Variants in ERO1B observed in about 807,000 individuals in gnomAD.
ERO1B encodes ERO1-like protein beta.
ERO1B carries 49 observed loss-of-function variants against 75.3 expected under a neutral mutation model. The observed-to-expected ratio is 0.65, with a 90% CI of 0.52 to 0.83. The LOEUF (loss-of-function observed/expected upper bound fraction) is 0.83, where lower values mean the gene tolerates loss of function less well. Ranked by LOEUF, ERO1B falls within the 40% of genes least tolerant of loss-of-function variation. The probability of loss-of-function intolerance (pLI) is 0.00; values close to 1 mark genes in which losing one functional copy is unlikely to be tolerated. For synonymous variants in ERO1B, 191 were observed against 192.9 expected (o/e 0.99, Z 0.08); for missense variants, 512 against 560.1 (o/e 0.91, Z 0.87).
At chr1:236,243,683 T>C (rs1664768678) in intron 5 of ERO1B, among the ~76,000 whole-genome samples, 188 bp from the exon 6 acceptor site, 1 of 152,122 alleles carries the variant, frequency 6.6e-6, no homozygotes, top group African/African-American at 2.4e-5. Context: ...TATGTATTAA[T>C]TTCCTTGAGT....
At chr1:236,226,586 A>G in intron 11 of ERO1B, 61 bp downstream of exon 11, 2 of 1,594,772 alleles carry the variant, frequency 1.3e-6, no homozygotes, top group Non-Finnish European at 1.7e-6. Flanking sequence ...AAGAATATGT[A>G]TTCTCTCCAA....
rs1483339310 is a variant in ERO1B at position 236,281,769 on chromosome 1, G to A, written c.15C>T (p.Val5=). The change falls in exon 1 of 16, where the codon GTC becomes GTT. Residue 5 remains valine, a synonymous_variant. Transcript: ENST00000354619. ...CCCCCTGCCCAGCGCCTGCCCGGCG[G>A]ACCCCTTGGCTCATGCTGACCTCTA... MSQG[V]RRAGAGQGVA... is the part of the protein sequence containing the mutation. 7.3e-6 allele frequency: 11 copies of A among 1,513,762 alleles called. No individual in the cohort carries two copies. Among genetic ancestry groups the A allele is most frequent in the Non-Finnish European group, 9.7e-6 (11 of 1,134,030 alleles). The allele number at this position is 1,513,762 out of a possible 1,614,324, so 93.8% of individuals were successfully genotyped here.
chr1:236,222,445 T>C (rs1726628), intron 13 of ERO1B, among the ~76,000 whole-genome samples: 71,367 of 152,024 alleles, frequency 0.47, 17,481 homozygotes, highest in East Asian at 0.88. Flanking sequence ...AGAAAAATAC[T>C]TGATACTTGT....
intron 6 of ERO1B, among the ~76,000 whole-genome samples, chr1:236,239,422 C>T (rs939994969): frequency 6.6e-6 from 1 of 152,068 alleles, no homozygotes; most frequent in Admixed American, 6.6e-5. Flanking sequence ...TACCATTAGT[C>T]CATTTTCTTA....
chr1:236,251,994 AAATGGT>A (rs1665040697), intron 4 of ERO1B, 50 bp downstream of exon 4: 2 of 1,268,586 alleles, frequency 1.6e-6, no homozygotes, highest in South Asian at 2.6e-5. Context: ...GTCAGTCAGT[AAATGGT>A]AAGTTTCACA....
In ERO1B at chr1:236,252,094, TA is replaced by T; in HGVS notation, c.307-4del. On this transcript the variant is annotated splice_region_variant and splice_polypyrimidine_tract_variant and intron_variant, in intron 3 of 15. Transcript: ENST00000354619. ...TTTATTCCAACCGGAATTTTACTCTTAAAAAAACAAGAAAAGCAAAAAAATT... is the reference window on the plus strand; with the variant it reads ...TTTATTCCAACCGGAATTTTACTCTTAAAAAACAAGAAAAGCAAAAAAATT... 1.3e-6 allele frequency: 2 copies of T among 1,595,438 alleles called. No individual in the cohort carries two copies. The highest frequency in any genetic ancestry group is 1.1e-5 in the South Asian group (1 of 88,824).
chr1:236,249,408 T>C (rs183715493), intron 5 of ERO1B, among the ~76,000 whole-genome samples: 4 of 152,332 alleles, frequency 2.6e-5, no homozygotes, highest in Non-Finnish European at 5.9e-5. Flanking sequence ...GTCTAGTCAT[T>C]TTATACTACA....
At chr1:236,229,329 G>A (rs1664346855) in intron 10 of ERO1B, among the ~76,000 whole-genome samples, 1 of 151,938 alleles carries the variant, frequency 6.6e-6, no homozygotes, top group African/African-American at 2.4e-5. Context: ...GGAGGCTGAG[G>A]CAGGAGGATC....
At chr1:236,235,947 C>CA (rs1664530869) in intron 7 of ERO1B, 112 bp from the exon 8 acceptor site, 3 of 921,470 alleles carry the variant, frequency 3.3e-6, no homozygotes, top group Non-Finnish European at 4.9e-6. Context: ...TTTTTTGAGA[C>CA]AGAGTTTCAC....
At chr1:236,227,196 C>T (rs973914061) in intron 10 of ERO1B, among the ~76,000 whole-genome samples, 2 of 152,012 alleles carry the variant, frequency 1.3e-5, no homozygotes, top group Admixed American at 6.6e-5. Context: ...AATTTTTTAA[C>T]CATATGTTCT....
At chr1:236,263,861 C>A (rs1413563995) in intron 2 of ERO1B, among the ~76,000 whole-genome samples, 2 of 137,604 alleles carry the variant, frequency 1.5e-5, no homozygotes, top group Non-Finnish European at 3.0e-5. Flanking sequence ...TGGGCTCAAG[C>A]GATACTTCCA....
In ERO1B at chr1:236,250,760, T is replaced by C. The variant is rs542148987; in HGVS notation, c.349-793A>G. ...CACACACACACATACACACACACGT[T>C]TGCAAAATGCTTAAACCTTTGAACC... On this transcript the variant is annotated intron_variant, in intron 4 of 15. Coordinates refer to ENST00000354619, the MANE Select transcript of ERO1B (RefSeq NM_019891.4). Among the ~76,000 whole-genome samples, 3 of 151,556 alleles carry C rather than the reference T, an allele frequency of 2.0e-5. No homozygotes were observed. The South Asian group carries it at 6.3e-4, about 32-fold the overall frequency.
rs1663982618 is a variant in ERO1B, at chr1:236,216,505, T to C, written c.*2011A>G. On this transcript the variant is annotated 3_prime_UTR_variant, in exon 16 of 16. Coordinates refer to ENST00000354619, the MANE Select transcript of ERO1B (RefSeq NM_019891.4). ...AATACTTCATTTATTTTCTTAGTTG[T>C]GAAAAAATTAGTTAAGAACCTTAAA... 6.6e-6 allele frequency: 1 copy of C among 152,142 alleles called. No individual in the cohort carries two copies. The highest frequency in any genetic ancestry group is 2.4e-5 in the African/African-American group (1 of 41,444). 9.4% of individuals were successfully genotyped at this position (152,142 alleles called of 1,614,324 possible). A position where few individuals can be genotyped will look rare whatever the true frequency, so the allele number is the denominator to read the frequency against.
chr1:236,259,505 C>T (rs575570112), intron 2 of ERO1B, among the ~76,000 whole-genome samples: 1 of 152,114 alleles, frequency 6.6e-6, no homozygotes, highest in South Asian at 2.1e-4. Flanking sequence ...AAAAGACTTG[C>T]TTCACCTCTA....
At chr1:236,238,644 A>G (rs1406138824) in intron 6 of ERO1B, among the ~76,000 whole-genome samples, 1 of 151,512 alleles carries the variant, frequency 6.6e-6, no homozygotes, top group Admixed American at 6.6e-5. Context: ...CTGCTCTTGA[A>G]TAAATTCATC....
chr1:236,279,339 C>T (rs958884767), intron 1 of ERO1B, among the ~76,000 whole-genome samples: 1 of 148,300 alleles, frequency 6.7e-6, no homozygotes, highest in Non-Finnish European at 1.5e-5. Context: ...CTCATCTCTA[C>T]TAAAAAATAC....
At chr1:236,262,826 A>T (rs1487779741) in intron 2 of ERO1B, among the ~76,000 whole-genome samples, 4 of 152,164 alleles carry the variant, frequency 2.6e-5, no homozygotes, top group Admixed American at 1.3e-4. Flanking sequence ...TTCAGGAATA[A>T]AGGGGATGTA....
At chr1:236,279,002 T>G (rs1403062381) in intron 1 of ERO1B, among the ~76,000 whole-genome samples, 1 of 152,244 alleles carries the variant, frequency 6.6e-6, no homozygotes, top group South Asian at 2.1e-4. Flanking sequence ...ACTTTTTGAT[T>G]TTCCTATTTT....
In ERO1B at chr1:236,216,849, CT is replaced by C. The variant is rs974402193; in HGVS notation, c.*1666del. On this transcript the variant is annotated 3_prime_UTR_variant, in exon 16 of 16. Transcript: ENST00000354619. ...GATAGTCACTTTTTAGACAGTTTGCCTTAAGGCCCCCCTCCCCCACCATACA... is the reference window on the plus strand; with the variant it reads ...GATAGTCACTTTTTAGACAGTTTGCCTAAGGCCCCCCTCCCCCACCATACA... 3 of 151,688 alleles carry C rather than the reference CT, an allele frequency of 2.0e-5. No homozygotes were observed. Among genetic ancestry groups the C allele is most frequent in the African/African-American group, 7.3e-5 (3 of 41,290 alleles). The allele number at this position is 151,688 out of a possible 1,614,324, so 9.4% of individuals were successfully genotyped here. A position where few individuals can be genotyped will look rare whatever the true frequency, so the allele number is the denominator to read the frequency against.
Sources: allele counts gnomAD v4.1 joint callset (sites outside exome capture counted in the v4.1 genomes callset), GRCh38; gene constraint gnomAD v4.1.1; transcripts MANE v1.5; gene names NCBI Gene and HGNC (gene_info 2026-07-23, HGNC 2026-07-21).